The following SPAG17 variants were observed in gnomAD, a reference collection of about 807,000 sequenced individuals.
SPAG17 encodes sperm-associated antigen 17.
Under a neutral mutation model 273.6 loss-of-function variants are expected in SPAG17, and 169 were observed. The ratio of observed to expected loss-of-function variants is 0.62; its 90% CI spans 0.55 to 0.70. SPAG17 has a LOEUF of 0.70. Among genes scored for constraint, SPAG17 ranks in the 30% least tolerant of loss-of-function variants. SPAG17 has a pLI of 0.00. For synonymous variants in SPAG17, 825 were observed against 873.2 expected, an observed-to-expected ratio of 0.94 and a Z score of 0.97; for missense variants, 2,557 against 2,627.8, an observed-to-expected ratio of 0.97 and a Z score of 0.59.
At chr1:118,072,428 AAGGG>A (rs1451422242) in intron 17 of SPAG17, among the ~76,000 whole-genome samples, 1 of 152,192 alleles carries the variant, frequency 6.6e-6, no homozygotes, top group Admixed American at 6.5e-5. Context: ...GATGACGGTA[AAGGG>A]AGGCCCAGGA....
Position 118,050,405 on chromosome 1 carries a change from A to AT in SPAG17, c.2814+3596dup, listed in dbSNP as rs1557957608. 2.6e-5 allele frequency among the ~76,000 whole-genome samples: 4 copies of AT among 152,286 alleles called. No individual in the cohort carries two copies. In the East Asian group the frequency reaches 7.7e-4, roughly 29 times the overall value. On this transcript the variant is annotated intron_variant, in intron 20 of 48. Coordinates refer to ENST00000336338, the MANE Select transcript of SPAG17 (RefSeq NM_206996.4). Reference sequence around the variant, plus strand: ...CTTCTGCCTTATGCCCCTCAGTTGAATTCTTTCTTCTGAGGAGGCAAGAAT... The same window carrying AT: ...CTTCTGCCTTATGCCCCTCAGTTGAATTTCTTTCTTCTGAGGAGGCAAGAAT...
chr1:118,159,992 A>G (rs79508640), intron 1 of SPAG17, among the ~76,000 whole-genome samples: 2 of 152,344 alleles, frequency 1.3e-5, no homozygotes, highest in East Asian at 3.9e-4. Context: ...CATAAAAAGT[A>G]AGGCAAACCT....
At position 118,066,868 on chromosome 1, in the gene SPAG17, C is replaced by A. The variant is rs79497050; in HGVS notation, c.2417G>T (p.Cys806Phe). 1,665 of 1,613,414 alleles carry A rather than the reference C, an allele frequency of 1.0e-3. 1 individual carries two copies. Among genetic ancestry groups the A allele is most frequent in the Non-Finnish European group, 1.3e-3 (1,572 of 1,179,708 alleles). Residue 806 changes from cysteine to phenylalanine, a missense_variant, in exon 18 of 49, where the codon TGT (cysteine) becomes TTT (phenylalanine). Physicochemically the swap from Cys to Phe is radical, Grantham distance 205. Transcript: ENST00000336338. The part of the protein sequence containing the change: ...VLQEAHKQYR[C>F]VDSYYHTQDN... ...TTGGGTGTGGTAGTAAGAATCAACA[C>A]ACCTATATTGCTTATGGGCTTCTTG... is the stretch of plus-strand genomic sequence containing the variant.
In SPAG17 at chr1:118,055,905, C is replaced by T; in HGVS notation, c.2550G>A (p.Leu850=). 1.2e-6 allele frequency: 2 copies of T among 1,603,812 alleles called. No individual in the cohort carries two copies. The highest frequency in any genetic ancestry group is 1.7e-6 in the Non-Finnish European group (2 of 1,177,152). The change falls in exon 19 of 49, where the codon TTG becomes TTA. Residue 850 remains leucine, a synonymous_variant. Coordinates refer to ENST00000336338, the MANE Select transcript of SPAG17 (RefSeq NM_206996.4). ...CTTGAATAGATTTTGCAACAAGTTC[C>T]AAATAATTCCTAAACAAACCAATAG... The part of the protein sequence containing the change: ...LHSNVGFRNY[L]ELVAKSIQDW...
At chr1:118,055,525 C>T (rs977249973) in intron 19 of SPAG17, among the ~76,000 whole-genome samples, 4 of 151,854 alleles carry the variant, frequency 2.6e-5, no homozygotes, top group Non-Finnish European at 5.9e-5. Context: ...AGTGGGGGGT[C>T]AATATAAAAA....
intron 32 of SPAG17, among the ~76,000 whole-genome samples, chr1:117,997,856 G>A (rs941557010): frequency 3.9e-5 from 6 of 152,072 alleles, no homozygotes; most frequent in East Asian, 1.9e-4. Flanking sequence ...AACCATTTAC[G>A]CATATATGAA....
chr1:117,993,650 G>T (rs931603680), intron 35 of SPAG17, among the ~76,000 whole-genome samples: 1 of 152,152 alleles, frequency 6.6e-6, no homozygotes, highest in Non-Finnish European at 1.5e-5. Context: ...GCTATTACAA[G>T]GTTTAGTGTA....
intron 26 of SPAG17, among the ~76,000 whole-genome samples, chr1:118,027,161 T>C (rs553545722): frequency 3.3e-5 from 5 of 152,268 alleles, no homozygotes; most frequent in African/African-American, 9.6e-5. Context: ...AGACACTCAG[T>C]GAAGACTGTC....
chr1:118,108,872 T>C (rs1656577179), intron 4 of SPAG17, among the ~76,000 whole-genome samples: 1 of 152,160 alleles, frequency 6.6e-6, no homozygotes, highest in African/African-American at 2.4e-5. Flanking sequence ...ACATATTCAG[T>C]TGAATATAAA....
chr1:118,171,353 C>T (rs1015859284), intron 1 of SPAG17, among the ~76,000 whole-genome samples: 4 of 152,092 alleles, frequency 2.6e-5, no homozygotes, highest in Admixed American at 2.0e-4. Context: ...ATATGGCATG[C>T]TTTCAAGTAT....
intron 34 of SPAG17, among the ~76,000 whole-genome samples, chr1:117,994,885 T>G (rs546289603): frequency 6.6e-6 from 1 of 152,258 alleles, no homozygotes; most frequent in East Asian, 1.9e-4. Context: ...TGCTCTAGAC[T>G]ACAGCAACAA....
intron 43 of SPAG17, 135 bp from the exon 44 acceptor site, chr1:117,973,696 AT>A: frequency 1.3e-6 from 1 of 772,946 alleles, no homozygotes; most frequent in Non-Finnish European, 1.9e-6. Flanking sequence ...TTATTTATTT[AT>A]TTTTATTTTA....
rs549243509 is a variant in SPAG17, at chr1:118,032,802, C to A, written c.3434-935G>T. ...AGACACGGGGTTTCACCATGTTGAC[C>A]AAGCTGGTCTCGAACTCCTGACCTC... is the stretch of plus-strand genomic sequence containing the variant. On this transcript the variant is annotated intron_variant, in intron 24 of 48. Transcript: ENST00000336338. 5.3e-5 allele frequency among the ~76,000 whole-genome samples: 8 copies of A among 152,090 alleles called. No individual in the cohort carries two copies. The East Asian group carries it at 1.4e-3, about 26-fold the overall frequency.
chr1:118,023,282 A>T, intron 28 of SPAG17, 22 bp downstream of exon 28: 1 of 1,596,760 alleles, frequency 6.3e-7, no homozygotes, highest in Non-Finnish European at 8.5e-7. Context: ...TCCATAATAA[A>T]CTGAGAGGCT....
At chr1:118,075,287 T>C (rs755970292) in intron 15 of SPAG17, among the ~76,000 whole-genome samples, 1 of 152,202 alleles carries the variant, frequency 6.6e-6, no homozygotes, top group African/African-American at 2.4e-5. Context: ...TCATGCACAC[T>C]AGCTTTCCTA....
intron 4 of SPAG17, among the ~76,000 whole-genome samples, chr1:118,108,863 C>G (rs182035244): frequency 2.6e-5 from 4 of 152,192 alleles, no homozygotes; most frequent in East Asian, 3.9e-4. Context: ...TGGCATTTCA[C>G]ATATTCAGTT....
intron 3 of SPAG17, among the ~76,000 whole-genome samples, chr1:118,132,229 T>C (rs771194268): frequency 6.6e-6 from 1 of 151,762 alleles, no homozygotes; most frequent in African/African-American, 2.4e-5. Flanking sequence ...ATGACTGAGG[T>C]CAGGTGGTAT....
intron 3 of SPAG17, among the ~76,000 whole-genome samples, chr1:118,140,292 G>T (rs1178936222): frequency 6.6e-6 from 1 of 152,072 alleles, no homozygotes; most frequent in East Asian, 1.9e-4. Flanking sequence ...TTTGCACAGT[G>T]TAGTGACTAT....
At chr1:118,045,590 A>G (rs1462228694) in intron 20 of SPAG17, among the ~76,000 whole-genome samples, 2 of 152,184 alleles carry the variant, frequency 1.3e-5, no homozygotes, top group African/African-American at 4.8e-5. Context: ...AATAGTAAGC[A>G]CAGTGTTTTC....
Sources: gnomAD v4.1 joint callset for allele counts (sites outside exome capture counted in the v4.1 genomes callset) on GRCh38, gnomAD v4.1.1 for gene constraint, MANE v1.5 for transcripts, NCBI Gene and HGNC (gene_info 2026-07-23, HGNC 2026-07-21) for gene names.